PTPRN2: variants seen among roughly 807,000 people sequenced by gnomAD.
PTPRN2 encodes the protein receptor-type tyrosine-protein phosphatase N2.
Under a neutral mutation model 118.8 loss-of-function variants are expected in PTPRN2, and 74 were observed. That is an observed-to-expected ratio of 0.62 (90% CI 0.52 to 0.76). The LOEUF (loss-of-function observed/expected upper bound fraction) is 0.76, where lower values mean the gene tolerates loss of function less well. PTPRN2 is among the 30% of genes least tolerant of loss of function. The probability of loss-of-function intolerance (pLI) is 0.00; values close to 1 mark genes in which losing one functional copy is unlikely to be tolerated. For synonymous variants in PTPRN2, 641 were observed against 608.0 expected (o/e 1.05, Z -0.80); for missense variants, 1,481 against 1,394.4 (o/e 1.06, Z -0.99).
intron 12 of PTPRN2, among the ~76,000 whole-genome samples, chr7:157,895,002 A>T (rs573995381): frequency 2.0e-5 from 3 of 152,128 alleles, no homozygotes; most frequent in South Asian, 2.1e-4. Context: ...TGCTGAGGGT[A>T]AGCTCACAAT....
chr7:157,952,395 ATCCCT>A, intron 11 of PTPRN2, among the ~76,000 whole-genome samples: 1 of 114,450 alleles, frequency 8.7e-6, no homozygotes. Context: ...GGTAGTGTGC[ATCCCT>A]GAGACGGGGT....
rs1489411255 is a variant in PTPRN2 at position 157,590,107 on chromosome 7, C to T, written c.2496+5131G>A. On this transcript the variant is annotated intron_variant, in intron 17 of 22. Transcript: ENST00000389418. The surrounding 1 kb of genome is among the most constrained non-coding windows in gnomAD (Gnocchi z 4.0). Reference sequence around the variant, plus strand: ...AATGACCAGCAGAGAGGACGGTGGACATGTTTCTTCCTAAGATCTTGATAT... The same window carrying T: ...AATGACCAGCAGAGAGGACGGTGGATATGTTTCTTCCTAAGATCTTGATAT... Among the ~76,000 whole-genome samples the T allele has an allele frequency of 6.6e-6, 1 of 152,200 alleles. No homozygotes were observed. The highest frequency in any genetic ancestry group is 6.5e-5 in the Admixed American group (1 of 15,282).
At chr7:158,365,787 C>CCACA (rs1223975910) in intron 2 of PTPRN2, among the ~76,000 whole-genome samples, 8 of 96,022 alleles carry the variant, frequency 8.3e-5, no homozygotes, top group Non-Finnish European at 1.6e-4. Flanking sequence ...ACACACACAC[C>CCACA]CACACACACA....
intron 12 of PTPRN2, among the ~76,000 whole-genome samples, chr7:157,688,256 G>C (rs1797290316): frequency 6.6e-6 from 1 of 152,208 alleles, no homozygotes; most frequent in Non-Finnish European, 1.5e-5. Context: ...GCAATAAATT[G>C]TCTATTTGCC....
At chr7:158,468,322 T>G (rs1204538908) in intron 2 of PTPRN2, among the ~76,000 whole-genome samples, 2 of 152,242 alleles carry the variant, frequency 1.3e-5, no homozygotes, top group Non-Finnish European at 2.9e-5. Flanking sequence ...ACCGCACCTT[T>G]GGCTTTGTTA....
rs552689740 is a variant in PTPRN2, at chr7:158,134,443, A to AAAT, written c.1174-387_1174-385dup. Among the ~76,000 whole-genome samples, 981 of 151,986 alleles carry AAAT rather than the reference A, an allele frequency of 6.5e-3. 9 individuals are homozygous for AAAT. The highest frequency in any genetic ancestry group is 0.022 in the African/African-American group (902 of 41,456). ...CAGCCCTCTAGAAGCAATGAACACTAAATAATAATAATAATAATAACAAAT... is the reference window on the plus strand; with the variant it reads ...CAGCCCTCTAGAAGCAATGAACACTAAATAATAATAATAATAATAATAACAAAT... On this transcript the variant is annotated intron_variant, in intron 8 of 22. Transcript: ENST00000389418.
intron 2 of PTPRN2, among the ~76,000 whole-genome samples, chr7:158,485,903 T>G (rs1355770803): frequency 6.6e-6 from 1 of 152,220 alleles, no homozygotes. Flanking sequence ...ATCCTGAGTT[T>G]TTCATTTACT....
At chr7:158,336,236 C>T (rs1302963677) in intron 2 of PTPRN2, among the ~76,000 whole-genome samples, 2 of 76,414 alleles carry the variant, frequency 2.6e-5, no homozygotes. Context: ...AGACATCACT[C>T]ACACCCACAC....
chr7:157,995,924 C>G (rs1355466164), intron 11 of PTPRN2, among the ~76,000 whole-genome samples: 1 of 152,322 alleles, frequency 6.6e-6, no homozygotes, highest in East Asian at 1.9e-4. Context: ...TGTGTCCACA[C>G]AATGGAATAC....
At chr7:158,421,626 C>A (rs1815263610) in intron 2 of PTPRN2, among the ~76,000 whole-genome samples, 1 of 152,080 alleles carries the variant, frequency 6.6e-6, no homozygotes, top group Non-Finnish European at 1.5e-5. Context: ...ACTCTTTGCT[C>A]AAAAACATGT....
At chr7:158,082,973 G>A (rs184134435) in intron 10 of PTPRN2, among the ~76,000 whole-genome samples, 125 of 152,256 alleles carry the variant, frequency 8.2e-4, no homozygotes, top group Non-Finnish European at 1.6e-3. Flanking sequence ...AAAGGAGGAG[G>A]CCACTCCCTC....
At chr7:158,337,449 C>G (rs1363135861) in intron 2 of PTPRN2, among the ~76,000 whole-genome samples, 2 of 145,158 alleles carry the variant, frequency 1.4e-5, no homozygotes, top group African/African-American at 2.6e-5. Context: ...CACCCACAGA[C>G]GTCACTCAAA....
Position 157,674,443 on chromosome 7 carries a change from G to A in PTPRN2, c.2001+8282C>T, listed in dbSNP as rs543228173. The stretch of plus-strand genomic sequence containing the variant: ...GGTTTGACGTGCAATTGCTTTTCCC[G>A]AAGCTTTCTCCTCTTGTAACACCCA... On this transcript the variant is annotated intron_variant, in intron 13 of 22. Coordinates refer to ENST00000389418, the MANE Select transcript of PTPRN2 (RefSeq NM_002847.5). This position sits in a 1 kb window ranked among gnomAD's most constrained non-coding sequence, Gnocchi z 4.5. Among the ~76,000 whole-genome samples the A allele has an allele frequency of 9.2e-5, 14 of 152,280 alleles. No homozygotes were observed. Among genetic ancestry groups the A allele is most frequent in the South Asian group, 4.1e-4 (2 of 4,826 alleles).
chr7:158,156,807 C>T (rs1414787523), intron 6 of PTPRN2, among the ~76,000 whole-genome samples: 3 of 152,260 alleles, frequency 2.0e-5, no homozygotes, highest in African/African-American at 4.8e-5. Context: ...TAACCACCAG[C>T]GTTCAGGTTG....
At chr7:158,369,631 C>T (rs989009811) in intron 2 of PTPRN2, among the ~76,000 whole-genome samples, 1 of 152,138 alleles carries the variant, frequency 6.6e-6, no homozygotes, top group African/African-American at 2.4e-5. Flanking sequence ...ACACATTTCC[C>T]GTTATAAGGA....
At chr7:158,095,537 C>T (rs1322253208) in intron 10 of PTPRN2, among the ~76,000 whole-genome samples, 2 of 152,070 alleles carry the variant, frequency 1.3e-5, no homozygotes, top group Non-Finnish European at 2.9e-5. Flanking sequence ...CAGTAATCTG[C>T]CCAGGGCCTC....
Position 158,525,425 on chromosome 7 carries a change from T to C in PTPRN2, c.113-35640A>G, listed in dbSNP as rs969860909. Among the ~76,000 whole-genome samples the C allele has an allele frequency of 6.6e-6, 1 of 152,060 alleles. No homozygotes were observed. The highest frequency in any genetic ancestry group is 1.5e-5 in the Non-Finnish European group (1 of 68,002). On this transcript the variant is annotated intron_variant, in intron 1 of 22. Transcript: ENST00000389418. The surrounding 1 kb of genome is among the most constrained non-coding windows in gnomAD (Gnocchi z 4.1). ...CCAGGTTTCCAGCCTGCCAGCCCCATCCAGACTTAAGGACGGAAAGTGGGA... is the reference window on the plus strand; with the variant it reads ...CCAGGTTTCCAGCCTGCCAGCCCCACCCAGACTTAAGGACGGAAAGTGGGA...
chr7:158,255,922 C>A (rs114804941), intron 3 of PTPRN2, among the ~76,000 whole-genome samples: 2 of 152,164 alleles, frequency 1.3e-5, no homozygotes, highest in Non-Finnish European at 2.9e-5. Context: ...CTAAACCAGA[C>A]GATGCTCAGA....
At chr7:158,488,870 G>A (rs1218349842) in intron 2 of PTPRN2, among the ~76,000 whole-genome samples, 1 of 152,184 alleles carries the variant, frequency 6.6e-6, no homozygotes, top group Non-Finnish European at 1.5e-5. Context: ...GGAGAAAGGC[G>A]GCTCCGCCCA....
Sources: allele counts gnomAD v4.1 joint callset (sites outside exome capture counted in the v4.1 genomes callset), GRCh38; gene constraint gnomAD v4.1.1; non-coding constraint Gnocchi (gnomAD v3.1); transcripts MANE v1.5; gene names NCBI Gene and HGNC (gene_info 2026-07-23, HGNC 2026-07-21).